The following CNIH4 variants were observed in gnomAD, a reference collection of about 807,000 sequenced individuals.
The protein encoded by CNIH4 is cornichon family member 4, also known as protein cornichon homolog 4.
In CNIH4, 9 loss-of-function variants were observed where a neutral mutation model predicts 21.5. The observed-to-expected ratio is 0.42, with a 90% confidence interval of 0.25 to 0.73. The LOEUF (loss-of-function observed/expected upper bound fraction) is 0.73. Among genes scored for constraint, CNIH4 ranks in the 30% least tolerant of loss-of-function variants. CNIH4 has a pLI of 0.27. For missense variants in CNIH4, 159 were observed against 170.0 expected (o/e 0.94, Z 0.36); for synonymous variants, 67 against 59.1 (o/e 1.13, Z -0.61).
At chr1:224,364,411 G>A (rs1672390042) in intron 2 of CNIH4, 4 of 972,778 alleles carry the variant, frequency 4.1e-6, no homozygotes, top group Non-Finnish European at 4.9e-6. Flanking sequence ...CTTTGCATGT[G>A]GCTTACATGT....
intron 4 of CNIH4, among the ~76,000 whole-genome samples, chr1:224,373,506 G>A (rs1312974826): frequency 6.6e-6 from 1 of 152,064 alleles, no homozygotes; most frequent in Admixed American, 6.6e-5. Flanking sequence ...ATGTACATGA[G>A]TTTCTGAACT....
chr1:224,359,851 A>G (rs995146940), intron 1 of CNIH4, among the ~76,000 whole-genome samples: 1 of 152,132 alleles, frequency 6.6e-6, no homozygotes, highest in African/African-American at 2.4e-5. Context: ...ACAGGTGCTC[A>G]TGCCCGGCTA....
At chr1:224,367,132 G>A (rs2102859628) in intron 3 of CNIH4, among the ~76,000 whole-genome samples, 1 of 152,306 alleles carries the variant, frequency 6.6e-6, no homozygotes, top group East Asian at 1.9e-4. Flanking sequence ...GGATAATCTT[G>A]ACAAGCCTGT....
At chr1:224,358,223 T>G (rs934434660) in intron 1 of CNIH4, among the ~76,000 whole-genome samples, 2 of 152,368 alleles carry the variant, frequency 1.3e-5, no homozygotes, top group African/African-American at 4.8e-5. Flanking sequence ...GTTTATTTCC[T>G]AGATATGCAC....
At chr1:224,362,299 G>A (rs1284634481) in intron 2 of CNIH4, among the ~76,000 whole-genome samples, 1 of 151,068 alleles carries the variant, frequency 6.6e-6, no homozygotes, top group African/African-American at 2.4e-5. Context: ...AGCCAGGATG[G>A]TCTCAATCTC....
At chr1:224,367,240 G>T (rs1355652663) in intron 3 of CNIH4, among the ~76,000 whole-genome samples, 1 of 152,112 alleles carries the variant, frequency 6.6e-6, no homozygotes, top group Non-Finnish European at 1.5e-5. Context: ...TTCATTGGCT[G>T]TTTTTTAAGT....
chr1:224,372,057 C>T (rs1246169018), intron 4 of CNIH4, among the ~76,000 whole-genome samples: 1 of 152,202 alleles, frequency 6.6e-6, no homozygotes, highest in Non-Finnish European at 1.5e-5. Flanking sequence ...GATCACACCA[C>T]TAGCAGCAGC....
At position 224,379,159 on chromosome 1, in the gene CNIH4, A is replaced by G; in HGVS notation, c.*3337A>G. 1 of 1,509,258 alleles carries G rather than the reference A, an allele frequency of 6.6e-7. No homozygotes were observed. The highest frequency in any genetic ancestry group is 1.4e-5 in the African/African-American group (1 of 72,308). 93.5% of individuals were successfully genotyped at this position (1,509,258 alleles called of 1,614,324 possible). A position where few individuals can be genotyped will look rare whatever the true frequency, so the allele number is the denominator to read the frequency against. ...GATGCAGCTCAGTTCATCAAAGCCTAGCAGGTCCCCTCAGCTGCCTTTTCA... is the reference window on the plus strand; with the variant it reads ...GATGCAGCTCAGTTCATCAAAGCCTGGCAGGTCCCCTCAGCTGCCTTTTCA... On this transcript the variant is annotated 3_prime_UTR_variant, in exon 5 of 5. Transcript: ENST00000465271.
rs373441990 is a variant in CNIH4, at chr1:224,375,765, A to T, written c.393-30A>T. ...TCTGTAGGAACATTCCTGAGAAAACATTAGTGACATTCATTTCTTCTTTCC... is the reference window on the plus strand; with the variant it reads ...TCTGTAGGAACATTCCTGAGAAAACTTTAGTGACATTCATTTCTTCTTTCC... On this transcript the variant is annotated intron_variant, in intron 4 of 4. Coordinates refer to ENST00000465271, the MANE Select transcript of CNIH4 (RefSeq NM_014184.4). The T allele has an allele frequency of 9.8e-5, 158 of 1,613,718 alleles. No individual in the cohort carries two copies. The African/African-American group carries it at 1.8e-3, about 19-fold the overall frequency.
chr1:224,373,546 G>C (rs1181205762), intron 4 of CNIH4, among the ~76,000 whole-genome samples: 1 of 151,982 alleles, frequency 6.6e-6, no homozygotes, highest in Non-Finnish European at 1.5e-5. Flanking sequence ...GTGGTGGGGA[G>C]TGGCTGGGCT....
chr1:224,371,850 G>A (rs1200045005), intron 4 of CNIH4, among the ~76,000 whole-genome samples: 1 of 152,236 alleles, frequency 6.6e-6, no homozygotes, highest in Admixed American at 6.5e-5. Flanking sequence ...GCTGAGGCAG[G>A]AGAATCACTT....
At chr1:224,372,324 A>G (rs1672654899) in intron 4 of CNIH4, among the ~76,000 whole-genome samples, 1 of 152,218 alleles carries the variant, frequency 6.6e-6, no homozygotes, top group Non-Finnish European at 1.5e-5. Flanking sequence ...TCATAGATGC[A>G]TAGAATAGAG....
chr1:224,361,327 A>G (rs779301853), intron 2 of CNIH4, among the ~76,000 whole-genome samples: 16 of 152,120 alleles, frequency 1.1e-4, no homozygotes, highest in Middle Eastern at 3.4e-3. Flanking sequence ...CATGTTGGCC[A>G]GGCTGGTTTC....
Sources: allele counts gnomAD v4.1 joint callset (sites outside exome capture counted in the v4.1 genomes callset), GRCh38; gene constraint gnomAD v4.1.1; transcripts MANE v1.5; gene names NCBI Gene and HGNC (gene_info 2026-07-23, HGNC 2026-07-21).